PANK4: variants seen among roughly 807,000 people sequenced by gnomAD.
PANK4 encodes the protein pantothenate kinase 4 (inactive), also known as 4'-phosphopantetheine phosphatase.
A neutral mutation model predicts 87.9 loss-of-function variants in PANK4; 40 were observed. The ratio of observed to expected loss-of-function variants is 0.46; its 90% CI spans 0.35 to 0.59. The LOEUF (loss-of-function observed/expected upper bound fraction) is 0.59. PANK4 is among the 20% of genes least tolerant of loss of function. The probability of loss-of-function intolerance (pLI) is 0.00; values close to 1 mark genes in which losing one functional copy is unlikely to be tolerated. For missense variants in PANK4, 926 were observed against 1,072.3 expected (o/e 0.86, Z 1.90); for synonymous variants, 524 against 467.4 (o/e 1.12, Z -1.56).
chr1:2,518,602 C>G lies in PANK4; in HGVS notation c.1036-5G>C, dbSNP rs1341769392. 2 of 1,564,278 alleles carry G rather than the reference C, an allele frequency of 1.3e-6. No homozygotes were observed. The highest frequency in any genetic ancestry group is 1.7e-6 in the Non-Finnish European group (2 of 1,154,294). ...AAACAGCGCCTGCACTTCCCCCTGC[C>G]GTGGCCAAAGCACACGTGCTGCTGT... On this transcript the variant is annotated splice_region_variant and splice_polypyrimidine_tract_variant and intron_variant, in intron 7 of 18. Transcript: ENST00000378466.
At chr1:2,517,570 G>A (rs1465862455) in intron 9 of PANK4, among the ~76,000 whole-genome samples, 5 of 152,228 alleles carry the variant, frequency 3.3e-5, no homozygotes, top group Non-Finnish European at 5.9e-5. Flanking sequence ...GGGGCATCCC[G>A]TGGCTGACGC....
At position 2,511,329 on chromosome 1, in the gene PANK4, T is replaced by C; in HGVS notation, c.1833+9A>G. The C allele has an allele frequency of 6.2e-7, 1 of 1,602,136 alleles. No individual in the cohort carries two copies. The highest frequency in any genetic ancestry group is 8.5e-7 in the Non-Finnish European group (1 of 1,170,352). ...CCCAGCAGCAGAGGTGGGAGGCCCC[T>C]CCACATACCTTTAATCTCTGAAGCC... On this transcript the variant is annotated intron_variant, in intron 15 of 18. Coordinates refer to ENST00000378466, the MANE Select transcript of PANK4 (RefSeq NM_018216.4).
rs143205050 is a variant in PANK4, at chr1:2,521,793, C to G, written c.132G>C (p.Ser44=). 1.4e-5 allele frequency: 22 copies of G among 1,613,822 alleles called. No individual in the cohort carries two copies. The East Asian group carries it at 4.5e-4, about 33-fold the overall frequency. The change falls in exon 2 of 19, where the codon TCG becomes TCC. Residue 44 remains serine (S), a synonymous_variant. Transcript: ENST00000378466. Reference sequence around the variant, plus strand: ...TTGAATAGTAGGCCAGCTTGGTTAACGACCCGCCTGCAGGGGAGACACAAA... The same window carrying G: ...TTGAATAGTAGGCCAGCTTGGTTAAGGACCCGCCTGCAGGGGAGACACAAA... ...AKRFAIDIGG[S]LTKLAYYSTV...
rs761274631 is a variant in PANK4, at chr1:2,519,281, G to A, written c.897C>T (p.Ile299=). Reference sequence around the variant, plus strand: ...AGGCCAGCTGCCCAATGTCGTTGCTGATCATGTGCAGCAGGCTCTTCGCCA... The same window carrying A: ...AGGCCAGCTGCCCAATGTCGTTGCTAATCATGTGCAGCAGGCTCTTCGCCA... ...EDMAKSLLHM[I]SNDIGQLACL... Residue 299 remains isoleucine (I), a synonymous_variant, in exon 7 of 19, where the codon ATC becomes ATT. Transcript: ENST00000378466. The surrounding 1 kb of genome is among the most constrained non-coding windows in gnomAD (Gnocchi z 8.3). The A allele has an allele frequency of 1.2e-6, 2 of 1,612,048 alleles. No homozygotes were observed. Among genetic ancestry groups the A allele is most frequent in the Admixed American group, 1.7e-5 (1 of 59,988 alleles).
In PANK4 at chr1:2,521,523, A is replaced by G. The variant is rs1643875139; in HGVS notation, c.207+195T>C. 5.8e-6 allele frequency: 4 copies of G among 692,532 alleles called. No individual in the cohort carries two copies. The Admixed American group carries it at 8.7e-5, about 15-fold the overall frequency. 42.9% of individuals were successfully genotyped at this position (692,532 alleles called of 1,614,324 possible). A position where few individuals can be genotyped will look rare whatever the true frequency, so the allele number is the denominator to read the frequency against. ...GAGCGGAAGCCTCTCCCGGGGGAGC[A>G]CAGGCGGGCGCAGGTTCCTACAAAG... On this transcript the variant is annotated intron_variant, in intron 2 of 18. Coordinates refer to ENST00000378466, the MANE Select transcript of PANK4 (RefSeq NM_018216.4).
At chr1:2,517,254 T>C (rs1313207080) in intron 9 of PANK4, among the ~76,000 whole-genome samples, 1 of 152,164 alleles carries the variant, frequency 6.6e-6, no homozygotes, top group South Asian at 2.1e-4. Context: ...GTGTGGTGCG[T>C]CTGTGCGAGG....
At chr1:2,511,176 G>C (rs528218518) in intron 15 of PANK4, among the ~76,000 whole-genome samples, 162 bp downstream of exon 15, 2 of 152,336 alleles carry the variant, frequency 1.3e-5, no homozygotes, top group African/African-American at 2.4e-5. Flanking sequence ...AGGAGGGCAA[G>C]TGTGGGGCAG....
At chr1:2,513,962 G>A (rs910208276) in intron 12 of PANK4, 40 bp downstream of exon 12, 8 of 1,427,468 alleles carry the variant, frequency 5.6e-6, no homozygotes, top group Non-Finnish European at 7.9e-6. Context: ...AGCGGGACGG[G>A]GACAAGAGCG....
At chr1:2,512,178 T>C (rs1029254042) in intron 13 of PANK4, among the ~76,000 whole-genome samples, 2 of 151,766 alleles carry the variant, frequency 1.3e-5, no homozygotes, top group African/African-American at 4.8e-5. Context: ...ATCCCATGGG[T>C]CAGGACCCTC....
intron 10 of PANK4, among the ~76,000 whole-genome samples, chr1:2,514,930 G>A (rs982255792): frequency 6.6e-6 from 1 of 152,020 alleles, no homozygotes; most frequent in Non-Finnish European, 1.5e-5. Flanking sequence ...ATCCTGTGCC[G>A]GGGACGAGGG....
intron 1 of PANK4, among the ~76,000 whole-genome samples, chr1:2,525,118 G>A (rs778673162): frequency 1.3e-5 from 2 of 152,094 alleles, no homozygotes; most frequent in African/African-American, 2.4e-5. Context: ...CTTCCCTAGA[G>A]GACACCCTTC....
At position 2,510,804 on chromosome 1, in the gene PANK4, T is replaced by A; in HGVS notation, c.1834-22A>T. 7.1e-7 allele frequency: 1 copy of A among 1,417,982 alleles called. No homozygotes were observed. The highest frequency in any genetic ancestry group is 1.0e-6 in the Non-Finnish European group (1 of 1,001,988). The allele number at this position is 1,417,982 out of a possible 1,614,324, so 87.8% of individuals were successfully genotyped here. On this transcript the variant is annotated intron_variant, in intron 15 of 18. Transcript: ENST00000378466. This position sits in a 1 kb window ranked among gnomAD's most constrained non-coding sequence, Gnocchi z 4.9. ...GCCCCTGTAAGACAAAACCAGGACG[T>A]TCAGTTGGGAACAGGCGCATCCAAG... is the stretch of plus-strand genomic sequence containing the variant.
chr1:2,514,336 G>A lies in PANK4; in HGVS notation c.1487+18C>T, dbSNP rs371843410. The A allele has an allele frequency of 1.8e-5, 28 of 1,563,140 alleles. No homozygotes were observed. Among genetic ancestry groups the A allele is most frequent in the South Asian group, 3.3e-5 (3 of 90,106 alleles). On this transcript the variant is annotated intron_variant, in intron 11 of 18. Coordinates refer to ENST00000378466, the MANE Select transcript of PANK4 (RefSeq NM_018216.4). Reference sequence around the variant, plus strand: ...TGGATGGAAGAGGTGGCCACACACCGGGGTGCTGGGCACTTACAAGGGCTG... The same window carrying A: ...TGGATGGAAGAGGTGGCCACACACCAGGGTGCTGGGCACTTACAAGGGCTG...
At chr1:2,511,584 GC>G in intron 14 of PANK4, 43 bp downstream of exon 14, 3 of 1,396,786 alleles carry the variant, frequency 2.1e-6, no homozygotes, top group Non-Finnish European at 3.1e-6. Flanking sequence ...TCCAGGCATG[GC>G]CCCAGCACAA....
chr1:2,511,578 G>T, intron 14 of PANK4, 50 bp downstream of exon 14: 1 of 1,337,878 alleles, frequency 7.5e-7, no homozygotes, highest in Non-Finnish European at 1.1e-6. Context: ...AGAACGTCCA[G>T]GCATGGCCCC....
chr1:2,510,322 T>A lies in PANK4; in HGVS notation c.1939-165A>T, dbSNP rs1643639471. 2 of 632,960 alleles carry A rather than the reference T, an allele frequency of 3.2e-6. No individual in the cohort carries two copies. Among genetic ancestry groups the A allele is most frequent in the Non-Finnish European group, 5.7e-6 (2 of 348,054 alleles). The allele number at this position is 632,960 out of a possible 1,614,324, so 39.2% of individuals were successfully genotyped here. On this transcript the variant is annotated intron_variant, in intron 16 of 18. Transcript: ENST00000378466. The surrounding 1 kb of genome is among the most constrained non-coding windows in gnomAD (Gnocchi z 4.9). ...CAGGGACCTCGCCTGACCTTGCCACTCTGTGGCCCCTGGGAGGGAGCTGAG... is the reference window on the plus strand; with the variant it reads ...CAGGGACCTCGCCTGACCTTGCCACACTGTGGCCCCTGGGAGGGAGCTGAG...
chr1:2,526,508 A>G lies in PANK4; in HGVS notation c.80T>C (p.Ile27Thr). ...CTTGGCGTTCTCCAGGTTGCGGAAGATCTCGTCGGGGGGCAGCGTGATGCT... is the reference window on the plus strand; with the variant it reads ...CTTGGCGTTCTCCAGGTTGCGGAAGGTCTCGTCGGGGGGCAGCGTGATGCT... ...DKSITLPPDEIFRNLENAKRF... is the reference protein window; with the variant it reads ...DKSITLPPDETFRNLENAKRF... The change falls in exon 1 of 19, where the codon ATC becomes ACC. Residue 27 changes from isoleucine to threonine, a missense_variant. By Grantham distance (89) the Ile-to-Thr change is moderately conservative. Transcript: ENST00000378466. The G allele has an allele frequency of 6.3e-7, 1 of 1,584,242 alleles. No individual in the cohort carries two copies. The highest frequency in any genetic ancestry group is 8.6e-7 in the Non-Finnish European group (1 of 1,167,292).
rs535225228 is a variant in PANK4 at position 2,518,583 on chromosome 1, C to T, written c.1050G>A (p.Ala350=). ...GGTAGCCTTCGTGCCTCAGAAACAG[C>T]GCCTGCACTTCCCCCTGCCGTGGCC... ...INFFSKGEVQ[A]LFLRHEGYLG... The change falls in exon 8 of 19, where the codon GCG becomes GCA. Residue 350 remains alanine (A), a synonymous_variant. Transcript: ENST00000378466. 28 of 1,569,946 alleles carry T rather than the reference C, an allele frequency of 1.8e-5. No individual in the cohort carries two copies. Among genetic ancestry groups the T allele is most frequent in the Middle Eastern group, 1.7e-4 (1 of 6,020 alleles).
At chr1:2,522,626 G>T (rs1390818429) in intron 1 of PANK4, among the ~76,000 whole-genome samples, 3 of 151,232 alleles carry the variant, frequency 2.0e-5, no homozygotes, top group Admixed American at 1.3e-4. Flanking sequence ...TGTATTCATA[G>T]ATTTGAAACA....
Sources: allele counts gnomAD v4.1 joint callset (sites outside exome capture counted in the v4.1 genomes callset), GRCh38; gene constraint gnomAD v4.1.1; non-coding constraint Gnocchi (gnomAD v3.1); transcripts MANE v1.5; gene names NCBI Gene and HGNC (gene_info 2026-07-23, HGNC 2026-07-21).